The following SLC1A6 variants were observed in gnomAD, a reference collection of about 807,000 sequenced individuals.
The protein encoded by SLC1A6 is solute carrier family 1 member 6.
A neutral mutation model predicts 42.1 loss-of-function variants in SLC1A6; 15 were observed. The observed-to-expected ratio is 0.36, with a 90% CI of 0.24 to 0.55. SLC1A6 has a LOEUF of 0.55. SLC1A6 is among the 20% of genes least tolerant of loss of function. The pLI, the probability that SLC1A6 is intolerant of heterozygous loss-of-function variation, is 0.88. For missense variants in SLC1A6, 542 were observed against 772.5 expected, an observed-to-expected ratio of 0.70 and a Z score of 3.54; for synonymous variants, 317 against 319.7, an observed-to-expected ratio of 0.99 and a Z score of 0.09.
upstream of SLC1A6, chr19:14,979,950 A>G (rs145431746): frequency 0.042 from 6,348 of 152,158 alleles, 281 homozygotes; most frequent in African/African-American, 0.1. The surrounding 1 kb of genome is among the most constrained non-coding windows in gnomAD (Gnocchi z 4.2). Flanking sequence ...CGCCCCCTAA[A>G]CCGCCTCCGG....
intron 4 of SLC1A6, among the ~76,000 whole-genome samples, chr19:14,966,481 AAAAT>A (rs1223490947): frequency 6.6e-6 from 1 of 152,192 alleles, no homozygotes; most frequent in Non-Finnish European, 1.5e-5. Context: ...TGCAAAAATA[AAAAT>A]AAAAACAATT....
chr19:14,956,475 C>G lies in SLC1A6; in HGVS notation c.1169+1G>C. On this transcript the variant is annotated splice_donor_variant, in intron 7 of 9. Coordinates refer to ENST00000594383, the MANE Select transcript of SLC1A6 (RefSeq NM_005071.3). LOFTEE classifies it high-confidence loss of function. ...TGCTGGGGTGGGGAGCAAGGCCATA[C>G]CTGGAAGACGTGCCCATAGCGGTGA... 6.4e-7 allele frequency: 1 copy of G among 1,563,706 alleles called. No individual in the cohort carries two copies. The highest frequency in any genetic ancestry group is 8.7e-7 in the Non-Finnish European group (1 of 1,150,888).
At chr19:14,982,731 CTG>C (rs2045774169), upstream of SLC1A6, among the ~76,000 whole-genome samples, 3 of 152,260 alleles carry the variant, frequency 2.0e-5, no homozygotes, top group South Asian at 6.2e-4. Flanking sequence ...TTCTCAGAAA[CTG>C]TGTCTTAATT....
intron 9 of SLC1A6, 39 bp downstream of exon 9, chr19:14,952,889 G>T (rs753515074): frequency 3.7e-6 from 6 of 1,603,194 alleles, no homozygotes; most frequent in Non-Finnish European, 5.1e-6. Context: ...AGTGTGTGCA[G>T]AAGCAGGAGC....
At chr19:14,961,939 T>A in intron 6 of SLC1A6, 63 bp downstream of exon 6, 1 of 1,537,780 alleles carries the variant, frequency 6.5e-7, no homozygotes, top group Non-Finnish European at 8.7e-7. Flanking sequence ...CTTCGGCAGC[T>A]TCCCCACAGC....
At chr19:14,967,629 A>T (rs2045588888) in intron 4 of SLC1A6, among the ~76,000 whole-genome samples, 1 of 152,242 alleles carries the variant, frequency 6.6e-6, no homozygotes, top group Non-Finnish European at 1.5e-5. Flanking sequence ...ATCTAAGACC[A>T]TGCCACGCAG....
chr19:14,978,248 G>A (rs2045732631), intron 1 of SLC1A6: 1 of 152,156 alleles, frequency 6.6e-6, no homozygotes, highest in African/African-American at 2.4e-5. Context: ...GAGATGTGTG[G>A]GCTGCTTCTC....
chr19:14,984,221 A>C (rs532078378), upstream of SLC1A6, among the ~76,000 whole-genome samples: 36 of 152,324 alleles, frequency 2.4e-4, no homozygotes, highest in South Asian at 2.9e-3. Flanking sequence ...AGGCAGGAGA[A>C]TCACTTGAAC....
chr19:14,966,207 A>G (rs894567197), intron 4 of SLC1A6, among the ~76,000 whole-genome samples: 4 of 152,208 alleles, frequency 2.6e-5, no homozygotes, highest in African/African-American at 9.6e-5. Flanking sequence ...AAAATTTTTC[A>G]TAGGCCGGGC....
intron 1 of SLC1A6, among the ~76,000 whole-genome samples, chr19:14,999,441 C>T (rs12981641): frequency 0.097 from 14,828 of 152,210 alleles, 880 homozygotes; most frequent in East Asian, 0.2. Flanking sequence ...CATGTATTGA[C>T]TGATGTCTCT....
At chr19:14,999,975 C>T (rs12610503) in intron 1 of SLC1A6, among the ~76,000 whole-genome samples, 8,545 of 151,704 alleles carry the variant, frequency 0.056, 408 homozygotes, top group South Asian at 0.27. Flanking sequence ...AGGTATGTCT[C>T]CTAATGCTAT....
chr19:14,972,728 C>A lies in SLC1A6; in HGVS notation c.183G>T (p.Leu61=). Residue 61 remains leucine, a synonymous_variant, in exon 2 of 10, where the codon CTG becomes CTT. Coordinates refer to ENST00000594383, the MANE Select transcript of SLC1A6 (RefSeq NM_005071.3). ...RFLRRNAFIL[L]TVSAVVIGVS... ...CACCAATGACCACGGCGCTGACCGT[C>A]AGCAGAATGAAGGCGTTTCGGCGCA... The A allele has an allele frequency of 6.2e-7, 1 of 1,614,018 alleles. No homozygotes were observed. Among genetic ancestry groups the A allele is most frequent in the Non-Finnish European group, 8.5e-7 (1 of 1,180,018 alleles).
At chr19:15,005,441 G>A (rs1230956913) in intron 1 of SLC1A6, among the ~76,000 whole-genome samples, 2 of 151,952 alleles carry the variant, frequency 1.3e-5, no homozygotes, top group East Asian at 1.9e-4. Context: ...CCTGGGAGGC[G>A]TAGGTTGCAG....
intron 1 of SLC1A6, among the ~76,000 whole-genome samples, chr19:14,976,443 GC>G (rs2045711919): frequency 6.6e-6 from 1 of 152,142 alleles, no homozygotes; most frequent in Admixed American, 6.5e-5. Flanking sequence ...ATAGTAATCA[GC>G]CATAATAAAG....
intron 6 of SLC1A6, among the ~76,000 whole-genome samples, chr19:14,960,836 A>G (rs2045503592): frequency 6.6e-6 from 1 of 152,324 alleles, no homozygotes; most frequent in South Asian, 2.1e-4. Context: ...AAATAAGTTC[A>G]AGAGATCTAT....
In SLC1A6 at chr19:14,973,236, A is replaced by G. The variant is rs3761098; in HGVS notation, c.-7-319T>C. On this transcript the variant is annotated intron_variant, in intron 1 of 9. Coordinates refer to ENST00000594383, the MANE Select transcript of SLC1A6 (RefSeq NM_005071.3). ...ATCTATGATCTTCCCAGCCTGAGCA[A>G]GATAGTGAGACCTCCACCCCTCCAA... 7.2e-4 allele frequency: 218 copies of G among 303,620 alleles called. 4 individuals are homozygous for G. The East Asian group carries it at 0.015, about 21-fold the overall frequency. 18.8% of individuals were successfully genotyped at this position (303,620 alleles called of 1,614,324 possible).
chr19:14,991,586 C>T (rs1378289465), intron 1 of SLC1A6, among the ~76,000 whole-genome samples: 1 of 149,464 alleles, frequency 6.7e-6, no homozygotes, highest in African/African-American at 2.5e-5. Context: ...ATCGCCACTG[C>T]ACTCCAGCCT....
chr19:14,994,159 G>A (rs748937059), intron 1 of SLC1A6, among the ~76,000 whole-genome samples: 47 of 152,182 alleles, frequency 3.1e-4, no homozygotes, highest in Non-Finnish European at 4.1e-4. Flanking sequence ...CTTGTTCTGT[G>A]TCCAGGTTCA....
At chr19:14,969,290 C>A (rs963442509) in intron 3 of SLC1A6, among the ~76,000 whole-genome samples, 2 of 152,234 alleles carry the variant, frequency 1.3e-5, no homozygotes, top group African/African-American at 2.4e-5. Flanking sequence ...GATCCTTCAG[C>A]CCCGAGAGCA....
Sources: gnomAD v4.1 joint callset for allele counts (sites outside exome capture counted in the v4.1 genomes callset) on GRCh38, gnomAD v4.1.1 for gene constraint, Gnocchi (gnomAD v3.1) non-coding constraint, MANE v1.5 for transcripts, NCBI Gene and HGNC (gene_info 2026-07-23, HGNC 2026-07-21) for gene names.